PTPRD: variants seen among roughly 807,000 people sequenced by gnomAD.
PTPRD encodes the protein protein tyrosine phosphatase receptor type D.
In PTPRD, 34 loss-of-function variants were observed where a neutral mutation model predicts 214.5. The ratio of observed to expected loss-of-function variants is 0.16; its 90% CI spans 0.12 to 0.21. The LOEUF (loss-of-function observed/expected upper bound fraction) is 0.21, where lower values mean the gene tolerates loss of function less well. Ranked by LOEUF, PTPRD falls within the 10% of genes least tolerant of loss-of-function variation. The pLI is 1.00. For synonymous variants in PTPRD, 1,128 were observed against 845.7 expected (o/e 1.33, Z -5.79); for missense variants, 2,545 against 2,398.7 (o/e 1.06, Z -1.27).
chr9:9,979,127 G>A (rs1454102279), intron 4 of PTPRD, among the ~76,000 whole-genome samples: 4 of 152,014 alleles, frequency 2.6e-5, no homozygotes, highest in Non-Finnish European at 5.9e-5. Flanking sequence ...TATGAGAAAT[G>A]TCAGAGGATG....
chr9:9,514,983 C>A (rs897417301), intron 8 of PTPRD, among the ~76,000 whole-genome samples: 8 of 152,070 alleles, frequency 5.3e-5, no homozygotes, highest in African/African-American at 1.9e-4. Context: ...AAACCTTCAT[C>A]AATGCAAGAG....
chr9:10,568,320 T>C (rs2066327203), intron 2 of PTPRD, among the ~76,000 whole-genome samples: 1 of 152,102 alleles, frequency 6.6e-6, no homozygotes, highest in Non-Finnish European at 1.5e-5. Context: ...GGCTGCATAG[T>C]ATTCCATGGT....
chr9:8,317,457 G>A lies in PTPRD; in HGVS notation c.*417C>T, dbSNP rs1304744429. On this transcript the variant is annotated 3_prime_UTR_variant, in exon 46 of 46. Coordinates refer to ENST00000381196, the MANE Select transcript of PTPRD (RefSeq NM_002839.4). Reference sequence around the variant, plus strand: ...GAGCAGTATGGTGGGAAGGGGCGATGTCAAAGCAGAGTCCGTTTCATTGTG... The same window carrying A: ...GAGCAGTATGGTGGGAAGGGGCGATATCAAAGCAGAGTCCGTTTCATTGTG... 1 of 241,418 alleles carries A rather than the reference G, an allele frequency of 4.1e-6. No homozygotes were observed. 15.0% of individuals were successfully genotyped at this position (241,418 alleles called of 1,614,324 possible).
At chr9:10,504,094 G>A (rs1279977825) in intron 2 of PTPRD, among the ~76,000 whole-genome samples, 1 of 71,534 alleles carries the variant, frequency 1.4e-5, no homozygotes, top group Non-Finnish European at 2.6e-5. Flanking sequence ...CCAGCATGGG[G>A]CACAGAGCGA....
chr9:9,310,875 G>A (rs1051448363), intron 9 of PTPRD, among the ~76,000 whole-genome samples: 12 of 151,370 alleles, frequency 7.9e-5, no homozygotes, highest in South Asian at 2.1e-4. Flanking sequence ...CCAAGATCGC[G>A]CCATTGCACT....
chr9:8,549,941 T>C (rs1406956257), intron 14 of PTPRD, among the ~76,000 whole-genome samples: 2 of 152,182 alleles, frequency 1.3e-5, no homozygotes, highest in Non-Finnish European at 2.9e-5. Flanking sequence ...ATATAGTTCC[T>C]GGCATGAAGC....
chr9:10,433,009 A>G (rs544143334), intron 2 of PTPRD, among the ~76,000 whole-genome samples: 1 of 152,044 alleles, frequency 6.6e-6, no homozygotes, highest in East Asian at 1.9e-4. Context: ...CCTGTTACTA[A>G]TATAGCTCCT....
At chr9:10,163,682 G>A (rs2099142229) in intron 3 of PTPRD, among the ~76,000 whole-genome samples, 1 of 151,486 alleles carries the variant, frequency 6.6e-6, no homozygotes, top group East Asian at 1.9e-4. Context: ...TACTTGAGCT[G>A]ACCAAGGTCA....
chr9:10,416,795 C>T (rs981375760), intron 2 of PTPRD, among the ~76,000 whole-genome samples: 4 of 151,608 alleles, frequency 2.6e-5, no homozygotes, highest in Non-Finnish European at 4.4e-5. Context: ...TGGGTGTTTC[C>T]ATACAGTGGG....
chr9:9,064,793 T>C (rs555605645), intron 10 of PTPRD, among the ~76,000 whole-genome samples: 1 of 152,170 alleles, frequency 6.6e-6, no homozygotes, highest in South Asian at 2.1e-4. Context: ...AACTAGAGAT[T>C]TGTGTTCAGA....
At chr9:10,469,423 C>A (rs1239295136) in intron 2 of PTPRD, among the ~76,000 whole-genome samples, 1 of 152,000 alleles carries the variant, frequency 6.6e-6, no homozygotes, top group Non-Finnish European at 1.5e-5. Flanking sequence ...GAAATCCTTG[C>A]ATTATTAGAT....
At chr9:8,890,731 A>C (rs1414719253) in intron 11 of PTPRD, among the ~76,000 whole-genome samples, 1 of 152,198 alleles carries the variant, frequency 6.6e-6, no homozygotes, top group African/African-American at 2.4e-5. Context: ...ACTGTAGGCA[A>C]GCAGATAATC....
rs200865664 is a variant in PTPRD, at chr9:8,353,817, AATATATGT to A, written c.4662-11847_4662-11840del. Among the ~76,000 whole-genome samples, 95 of 98,554 alleles carry A rather than the reference AATATATGT, an allele frequency of 9.6e-4. 2 individuals are homozygous for A. Among genetic ancestry groups the A allele is most frequent in the African/African-American group, 4.8e-3 (71 of 14,842 alleles). The allele number at this position is 98,554 out of a possible 152,430, so 64.7% of individuals were successfully genotyped here. ...AATTTGAGACTCCTTCTCAAAAAAAAATATATGTATATATGTATATATGTATATATGTA... is the reference window on the plus strand; with the variant it reads ...AATTTGAGACTCCTTCTCAAAAAAAAATATATGTATATATGTATATATGTA... On this transcript the variant is annotated intron_variant, in intron 39 of 45. Coordinates refer to ENST00000381196, the MANE Select transcript of PTPRD (RefSeq NM_002839.4).
chr9:10,087,491 C>A (rs573689711), intron 3 of PTPRD, among the ~76,000 whole-genome samples: 1 of 151,764 alleles, frequency 6.6e-6, no homozygotes, highest in East Asian at 2.0e-4. Flanking sequence ...TCCATTATAT[C>A]ACTACAACTA....
intron 3 of PTPRD, among the ~76,000 whole-genome samples, chr9:10,325,628 C>A (rs2154430809): frequency 6.6e-6 from 1 of 152,006 alleles, no homozygotes; most frequent in South Asian, 2.1e-4. Flanking sequence ...AAAGAGAAGT[C>A]ATGAGGCATT....
At chr9:10,247,493 C>T (rs187208074) in intron 3 of PTPRD, among the ~76,000 whole-genome samples, 12 of 152,234 alleles carry the variant, frequency 7.9e-5, no homozygotes, top group African/African-American at 2.6e-4. Flanking sequence ...TCATAATTTA[C>T]ACACACATTA....
chr9:9,741,808 G>C (rs1387200691), intron 6 of PTPRD, among the ~76,000 whole-genome samples: 1 of 152,122 alleles, frequency 6.6e-6, no homozygotes, highest in African/African-American at 2.4e-5. Context: ...TGGCTGCATA[G>C]TATTCCATGG....
intron 44 of PTPRD, among the ~76,000 whole-genome samples, chr9:8,330,922 A>G (rs1839937671): frequency 1.3e-5 from 2 of 152,244 alleles, no homozygotes; most frequent in East Asian, 3.9e-4. Context: ...AATTAGATGA[A>G]TTGCTTTTGT....
intron 2 of PTPRD, among the ~76,000 whole-genome samples, chr9:10,384,203 T>C (rs1394330818): frequency 1.3e-5 from 2 of 151,750 alleles, no homozygotes; most frequent in Non-Finnish European, 2.9e-5. Context: ...ACACAAAGGA[T>C]AAATGCTTGA....
Sources: gnomAD v4.1 joint callset for allele counts (sites outside exome capture counted in the v4.1 genomes callset) on GRCh38, gnomAD v4.1.1 for gene constraint, MANE v1.5 for transcripts, NCBI Gene and HGNC (gene_info 2026-07-23, HGNC 2026-07-21) for gene names.